The following LRRC4C variants were observed in gnomAD, a reference collection of about 807,000 sequenced individuals.
LRRC4C encodes the protein leucine rich repeat containing 4C, also known as leucine-rich repeat-containing protein 4C.
In LRRC4C, 5 loss-of-function variants were observed where a neutral mutation model predicts 33.6. The observed-to-expected ratio is 0.15, with a 90% CI of 0.08 to 0.31. The LOEUF is 0.31. Among genes scored for constraint, LRRC4C ranks in the 10% least tolerant of loss-of-function variants. The pLI is 1.00. For synonymous variants in LRRC4C, 329 were observed against 302.0 expected, an observed-to-expected ratio of 1.09 and a Z score of -0.93; for missense variants, 560 against 796.7, an observed-to-expected ratio of 0.70 and a Z score of 3.58.
chr11:40,338,360 C>T (rs1393038005), intron 3 of LRRC4C, among the ~76,000 whole-genome samples: 1 of 152,138 alleles, frequency 6.6e-6, no homozygotes, highest in African/African-American at 2.4e-5. Context: ...ATTTAGCCTG[C>T]TTTTATGCAT....
At chr11:41,323,833 A>T (rs560721849) in intron 1 of LRRC4C, among the ~76,000 whole-genome samples, 1 of 152,356 alleles carries the variant, frequency 6.6e-6, no homozygotes, top group South Asian at 2.1e-4. Flanking sequence ...TTTATATCTT[A>T]AAGGCAAATA....
chr11:40,545,935 AC>A (rs1956895347), intron 3 of LRRC4C, among the ~76,000 whole-genome samples: 1 of 151,996 alleles, frequency 6.6e-6, no homozygotes, highest in Non-Finnish European at 1.5e-5. Flanking sequence ...TACATTACCA[AC>A]CCTGAGAGTT....
rs947120008 is a variant in LRRC4C, at chr11:41,082,343, G to C, written c.-495-148620C>G. 2.0e-5 allele frequency among the ~76,000 whole-genome samples: 3 copies of C among 151,850 alleles called. No individual in the cohort carries two copies. The East Asian group carries it at 5.8e-4, about 30-fold the overall frequency. ...CACAAAATTAGAGACTAGTTCAGAGGTTAGCAGCATTGAATGTAGCTGACC... is the reference window on the plus strand; with the variant it reads ...CACAAAATTAGAGACTAGTTCAGAGCTTAGCAGCATTGAATGTAGCTGACC... On this transcript the variant is annotated intron_variant, in intron 1 of 6. Coordinates refer to ENST00000528697, the MANE Select transcript of LRRC4C (RefSeq NM_001258419.2).
chr11:41,265,436 G>A (rs1169317536), intron 1 of LRRC4C, among the ~76,000 whole-genome samples: 2 of 152,198 alleles, frequency 1.3e-5, no homozygotes, highest in East Asian at 3.9e-4. Flanking sequence ...ATTAAGAATA[G>A]GGGACCTTAA....
At chr11:40,204,146 G>C (rs1439900972) in intron 5 of LRRC4C, among the ~76,000 whole-genome samples, 1 of 152,074 alleles carries the variant, frequency 6.6e-6, no homozygotes, top group African/African-American at 2.4e-5. Context: ...ACCCAGGCTG[G>C]TCTGGAATGC....
chr11:41,127,297 A>G (rs1942790843), intron 1 of LRRC4C, among the ~76,000 whole-genome samples: 4 of 151,218 alleles, frequency 2.6e-5, no homozygotes, highest in South Asian at 4.2e-4. Flanking sequence ...GTGAATGTTC[A>G]TCCTCAAGTA....
intron 1 of LRRC4C, among the ~76,000 whole-genome samples, chr11:41,187,103 G>A (rs1396767764): frequency 6.6e-6 from 1 of 152,138 alleles, no homozygotes; most frequent in Non-Finnish European, 1.5e-5. Flanking sequence ...CAGTGATATG[G>A]GAAGGGGAGC....
intron 5 of LRRC4C, among the ~76,000 whole-genome samples, chr11:40,239,039 T>C (rs1257688285): frequency 6.6e-6 from 1 of 152,212 alleles, no homozygotes; most frequent in Non-Finnish European, 1.5e-5. Flanking sequence ...CTCTAACCTA[T>C]GTCTCTGCTT....
intron 1 of LRRC4C, among the ~76,000 whole-genome samples, chr11:41,222,037 G>A (rs1049124865): frequency 6.6e-6 from 1 of 152,166 alleles, no homozygotes; most frequent in Non-Finnish European, 1.5e-5. Context: ...CCTTCTAAGG[G>A]AGCAGAGAGT....
chr11:41,397,821 GTT>G lies in LRRC4C; in HGVS notation c.-496+61608_-496+61609del, dbSNP rs371657544. On this transcript the variant is annotated intron_variant, in intron 1 of 6. Coordinates refer to ENST00000528697, the MANE Select transcript of LRRC4C (RefSeq NM_001258419.2). ...CTTATCTCTAGAGAGGTAGTGATAT[GTT>G]CATGGCAAGGTAGAGATCCAAACCA... is the stretch of plus-strand genomic sequence containing the variant. Among the ~76,000 whole-genome samples the G allele has an allele frequency of 7.3e-3, 1,114 of 152,002 alleles. 15 individuals are homozygous for G. The highest frequency in any genetic ancestry group is 0.026 in the African/African-American group (1,069 of 41,514).
intron 1 of LRRC4C, among the ~76,000 whole-genome samples, chr11:41,403,292 G>C (rs2138128683): frequency 6.6e-6 from 1 of 152,202 alleles, no homozygotes; most frequent in East Asian, 1.9e-4. Flanking sequence ...CTGCACCTCA[G>C]CTAGTACTTT....
chr11:40,275,422 G>A (rs1943031063), intron 4 of LRRC4C, among the ~76,000 whole-genome samples: 1 of 152,068 alleles, frequency 6.6e-6, no homozygotes, highest in African/African-American at 2.4e-5. Flanking sequence ...GGGAAACCCT[G>A]GGAAATCTCC....
At chr11:41,342,483 G>C (rs1214548693) in intron 1 of LRRC4C, among the ~76,000 whole-genome samples, 1 of 152,146 alleles carries the variant, frequency 6.6e-6, no homozygotes, top group African/African-American at 2.4e-5. Context: ...GGGAGGCTGA[G>C]GGGGGTGGAC....
At chr11:41,200,862 G>A (rs1399503914) in intron 1 of LRRC4C, among the ~76,000 whole-genome samples, 1 of 152,218 alleles carries the variant, frequency 6.6e-6, no homozygotes, top group African/African-American at 2.4e-5. Context: ...GACCCAGAGA[G>A]AAGAATGTTG....
intron 1 of LRRC4C, among the ~76,000 whole-genome samples, chr11:41,268,996 C>CAT (rs1949237774): frequency 6.6e-6 from 1 of 152,108 alleles, no homozygotes; most frequent in Non-Finnish European, 1.5e-5. Flanking sequence ...AGCTGTGATT[C>CAT]ATAAATGTGT....
intron 3 of LRRC4C, among the ~76,000 whole-genome samples, chr11:40,629,163 T>C (rs1482362123): frequency 1.3e-5 from 2 of 152,210 alleles, no homozygotes; most frequent in Non-Finnish European, 2.9e-5. Flanking sequence ...TAAGATAGTA[T>C]AAAATCAGTT....
At chr11:40,952,894 ACACT>A (rs1434452103) in intron 1 of LRRC4C, among the ~76,000 whole-genome samples, 457 of 51,036 alleles carry the variant, frequency 9.0e-3, no homozygotes, top group African/African-American at 0.019. Context: ...ACACACACAC[ACACT>A]CTCTCTCTCT....
chr11:40,335,991 C>T (rs1021667659), intron 3 of LRRC4C, among the ~76,000 whole-genome samples: 1 of 152,138 alleles, frequency 6.6e-6, no homozygotes, highest in Non-Finnish European at 1.5e-5. Context: ...AAGAGTGCTC[C>T]ATGTTAAGCA....
rs137998832 is a variant in LRRC4C at position 41,070,038 on chromosome 11, C to G, written c.-495-136315G>C. On this transcript the variant is annotated intron_variant, in intron 1 of 6. Transcript: ENST00000528697. ...AACTACACTAAAAGGCTATAGTAAC[C>G]AAAACAGCATGGTACTGGTACAAAA... Among the ~76,000 whole-genome samples the G allele has an allele frequency of 4.1e-3, 618 of 152,100 alleles. 2 individuals carry two copies. Among genetic ancestry groups the G allele is most frequent in the African/African-American group, 0.014 (586 of 41,484 alleles).
Sources: gnomAD v4.1 joint callset for allele counts (sites outside exome capture counted in the v4.1 genomes callset) on GRCh38, gnomAD v4.1.1 for gene constraint, MANE v1.5 for transcripts, NCBI Gene and HGNC (gene_info 2026-07-23, HGNC 2026-07-21) for gene names.